LAMA3: variants seen among roughly 807,000 people sequenced by gnomAD.
LAMA3 encodes laminin subunit alpha 3.
Under a neutral mutation model 402.0 loss-of-function variants are expected in LAMA3, and 281 were observed. The ratio of observed to expected loss-of-function variants is 0.70; its 90% CI spans 0.63 to 0.77. LAMA3 has a LOEUF of 0.77. Ranked by LOEUF, LAMA3 falls within the 30% of genes least tolerant of loss-of-function variation. The pLI is 0.00. For synonymous variants in LAMA3, 1,431 were observed against 1,558.4 expected (o/e 0.92, Z 1.93); for missense variants, 3,840 against 4,215.5 (o/e 0.91, Z 2.47).
Position 23,689,863 on chromosome 18 carries a change from T to G in LAMA3, c.180T>G (p.Ile60Met). 21 of 1,549,072 alleles carry G rather than the reference T, an allele frequency of 1.4e-5. No individual in the cohort carries two copies. Among genetic ancestry groups the G allele is most frequent in the Non-Finnish European group, 1.8e-5 (21 of 1,147,202 alleles). ...TYFNLAEAAR[I>M]WATATCGERG... ...TCAACCTGGCCGAGGCGGCGAGGAT[T>G]TGGGCCACCGCCACCTGCGGGGAGA... The change falls in exon 1 of 75, where the codon ATT becomes ATG. Residue 60 changes from isoleucine (I) to methionine (M), a missense_variant. This residue lies in a region of LAMA3 where 2,109 missense variants were observed against 2,376.0 expected (regional missense o/e 0.89). Transcript: ENST00000313654.
Position 23,905,595 on chromosome 18 carries a change from C to T in LAMA3, c.6689C>T (p.Ala2230Val). 6.2e-7 allele frequency: 1 copy of T among 1,609,674 alleles called. No homozygotes were observed. The highest frequency in any genetic ancestry group is 8.5e-7 in the Non-Finnish European group (1 of 1,176,480). Residue 2230 changes from alanine (A) to valine (V), a missense_variant, in exon 52 of 75, where the codon GCC becomes GTC. Around this residue, in one of 3 missense-constraint regions of LAMA3, gnomAD observed 891 missense variants for 857.5 expected, o/e 1.04. Coordinates refer to ENST00000313654, the MANE Select transcript of LAMA3 (RefSeq NM_198129.4). ...AACAGTGATAAACTGTTAAATGAAG[C>T]CAAGATGACACAAAAGAAGCTAAAG... Reference protein sequence around the residue: ...SSNSDKLLNEAKMTQKKLKQE... With the variant: ...SSNSDKLLNEVKMTQKKLKQE...
At position 23,946,448 on chromosome 18, in the gene LAMA3, T is replaced by C. The variant is rs1357153634; in HGVS notation, c.9351+164T>C. 3 of 813,036 alleles carry C rather than the reference T, an allele frequency of 3.7e-6. No individual in the cohort carries two copies. The African/African-American group carries it at 5.1e-5, about 14-fold the overall frequency. The allele number at this position is 813,036 out of a possible 1,614,324, so 50.4% of individuals were successfully genotyped here. ...CACAACCACATAGAGTAAGTGCCCATTTCTTAACCCAAAGCCTTCATTTCT... is the reference window on the plus strand; with the variant it reads ...CACAACCACATAGAGTAAGTGCCCACTTCTTAACCCAAAGCCTTCATTTCT... On this transcript the variant is annotated intron_variant, in intron 70 of 74. Transcript: ENST00000313654.
At chr18:23,820,442 A>G (rs557821423) in intron 19 of LAMA3, among the ~76,000 whole-genome samples, 2 of 152,318 alleles carry the variant, frequency 1.3e-5, no homozygotes, top group African/African-American at 4.8e-5. Context: ...TGCTTTTTTT[A>G]AACTTTGAAT....
At chr18:23,775,668 C>A in intron 9 of LAMA3, 124 bp from the exon 10 acceptor site, 2 of 1,073,352 alleles carry the variant, frequency 1.9e-6, no homozygotes, top group Non-Finnish European at 2.8e-6. Context: ...ATAGGCTGTG[C>A]CCTTTCAAGA....
intron 34 of LAMA3, among the ~76,000 whole-genome samples, chr18:23,860,144 ATGTCT>A (rs1390624366): frequency 5.1e-4 from 77 of 151,622 alleles, no homozygotes; most frequent in South Asian, 8.3e-4. Flanking sequence ...ATCTCTCATG[ATGTCT>A]TGTTATGTCA....
chr18:23,813,553 C>CTTTTT (rs1164123647), intron 14 of LAMA3, among the ~76,000 whole-genome samples: 274 of 115,000 alleles, frequency 2.4e-3, no homozygotes, highest in Non-Finnish European at 2.8e-3. Context: ...TCTTTTCTTT[C>CTTTTT]TTTTTTTTTT....
intron 21 of LAMA3, among the ~76,000 whole-genome samples, chr18:23,826,044 T>C (rs1254864840): frequency 6.6e-6 from 1 of 152,178 alleles, no homozygotes; most frequent in East Asian, 1.9e-4. Flanking sequence ...GTATGAGCTC[T>C]TTGCCCTCCC....
chr18:23,937,152 G>A (rs2145441536), intron 67 of LAMA3, among the ~76,000 whole-genome samples: 2 of 152,040 alleles, frequency 1.3e-5, no homozygotes, highest in South Asian at 4.2e-4. Context: ...AATCACCTGA[G>A]GTCAGGAGTT....
At chr18:23,859,727 T>G (rs1385032081) in intron 34 of LAMA3, among the ~76,000 whole-genome samples, 1 of 152,182 alleles carries the variant, frequency 6.6e-6, no homozygotes, top group Non-Finnish European at 1.5e-5. Flanking sequence ...AACTACCATT[T>G]AGGGTTTTTT....
At chr18:23,758,882 A>T (rs2061909875) in intron 7 of LAMA3, among the ~76,000 whole-genome samples, 1 of 152,196 alleles carries the variant, frequency 6.6e-6, no homozygotes, top group Admixed American at 6.5e-5. Context: ...CAAGGTCCAG[A>T]GAAGACGGCA....
At chr18:23,951,896 C>T in intron 73 of LAMA3, 119 bp downstream of exon 73, 9 of 778,322 alleles carry the variant, frequency 1.2e-5, no homozygotes, top group Admixed American at 2.0e-5. Context: ...AGGGCCAGCC[C>T]CCGAGGCTAA....
chr18:23,837,216 G>C (rs2063601108), intron 25 of LAMA3, 127 bp downstream of exon 25: 1 of 712,090 alleles, frequency 1.4e-6, no homozygotes, highest in Admixed American at 2.0e-5. Context: ...CCAGTTTAAT[G>C]TTTATTCTTC....
intron 32 of LAMA3, among the ~76,000 whole-genome samples, chr18:23,848,172 C>T (rs1054753191): frequency 6.6e-6 from 1 of 152,154 alleles, no homozygotes; most frequent in African/African-American, 2.4e-5. Context: ...GCTGAGGCCT[C>T]CACAGCAGGG....
chr18:23,711,600 A>ACCCT (rs779614302), intron 1 of LAMA3, among the ~76,000 whole-genome samples: 3 of 152,184 alleles, frequency 2.0e-5, no homozygotes, highest in African/African-American at 7.2e-5. Context: ...GTTACAGGGT[A>ACCCT]GTGTTAACTT....
At chr18:23,796,381 A>G (rs956356516) in intron 12 of LAMA3, among the ~76,000 whole-genome samples, 5 of 152,140 alleles carry the variant, frequency 3.3e-5, no homozygotes, top group African/African-American at 1.2e-4. Context: ...CACCATCTGA[A>G]CAGCATGAAT....
At chr18:23,826,670 G>A (rs2063388238) in intron 21 of LAMA3, 32 bp from the exon 22 acceptor site, 2 of 1,430,690 alleles carry the variant, frequency 1.4e-6, no homozygotes, top group African/African-American at 1.4e-5. Context: ...CCATCAAAAT[G>A]AATGATTCTC....
intron 11 of LAMA3, among the ~76,000 whole-genome samples, chr18:23,778,293 C>T (rs746280386): frequency 1.3e-5 from 2 of 152,170 alleles, no homozygotes; most frequent in Non-Finnish European, 2.9e-5. Flanking sequence ...ATTCTGGCTG[C>T]TGGGGACTTA....
At chr18:23,748,969 G>A (rs2061699259) in intron 3 of LAMA3, among the ~76,000 whole-genome samples, 1 of 152,108 alleles carries the variant, frequency 6.6e-6, no homozygotes, top group Non-Finnish European at 1.5e-5. Flanking sequence ...TTTAATAACT[G>A]TCATCTCCAA....
intron 2 of LAMA3, among the ~76,000 whole-genome samples, chr18:23,723,147 C>T (rs865878966): frequency 4.6e-5 from 7 of 152,084 alleles, no homozygotes; most frequent in Admixed American, 1.3e-4. Flanking sequence ...CACATTCACA[C>T]GAAAGTTCTG....
Sources: gnomAD v4.1 joint callset for allele counts (sites outside exome capture counted in the v4.1 genomes callset) on GRCh38, gnomAD v4.1.1 for gene constraint, gnomAD v4.1.1 regional missense constraint, MANE v1.5 for transcripts, NCBI Gene and HGNC (gene_info 2026-07-23, HGNC 2026-07-21) for gene names.